The following PHLPP1 variants were observed in gnomAD, a reference collection of about 807,000 sequenced individuals.
PHLPP1 encodes the protein PH domain leucine-rich repeat-containing protein phosphatase 1.
A neutral mutation model predicts 117.2 loss-of-function variants in PHLPP1; 42 were observed. The observed-to-expected ratio is 0.36, with a 90% CI of 0.28 to 0.46. PHLPP1 has a LOEUF of 0.46. PHLPP1 is among the 20% of genes least tolerant of loss of function. The pLI is 1.00. For synonymous variants in PHLPP1, 1,042 were observed against 970.7 expected (o/e 1.07, Z -1.37); for missense variants, 2,084 against 2,241.9 (o/e 0.93, Z 1.42).
chr18:62,887,868 G>T (rs1323299868), intron 4 of PHLPP1, among the ~76,000 whole-genome samples: 1 of 152,050 alleles, frequency 6.6e-6, no homozygotes, highest in African/African-American at 2.4e-5. Flanking sequence ...CTCCCAAGTA[G>T]CTGGGACCAC....
intron 10 of PHLPP1, among the ~76,000 whole-genome samples, chr18:62,932,511 C>A (rs1194461871): frequency 1.3e-5 from 2 of 152,058 alleles, no homozygotes; most frequent in African/African-American, 4.8e-5. Context: ...GAATTAAAAA[C>A]AAAATCTGTA....
At chr18:62,916,604 G>T (rs993525151) in intron 9 of PHLPP1, among the ~76,000 whole-genome samples, 10 of 146,968 alleles carry the variant, frequency 6.8e-5, no homozygotes, top group Non-Finnish European at 1.4e-4. Flanking sequence ...ACAAGAGGGT[G>T]GGTGTGTGTG....
chr18:62,734,924 A>G (rs935759605), intron 1 of PHLPP1, among the ~76,000 whole-genome samples: 2 of 152,228 alleles, frequency 1.3e-5, no homozygotes, highest in South Asian at 2.1e-4. Flanking sequence ...CAGAAGCTCA[A>G]TGATCCCTTG....
At chr18:62,948,540 G>C (rs1910363376) in intron 12 of PHLPP1, among the ~76,000 whole-genome samples, 1 of 151,830 alleles carries the variant, frequency 6.6e-6, no homozygotes, top group Admixed American at 6.6e-5. Context: ...TTTTTAAATG[G>C]TTTCCATTTT....
chr18:62,820,339 A>G (rs1043500056), intron 1 of PHLPP1, among the ~76,000 whole-genome samples: 6 of 152,244 alleles, frequency 3.9e-5, no homozygotes, highest in Non-Finnish European at 8.8e-5. Flanking sequence ...CTCTTAGCCA[A>G]CTGGACCTCA....
At chr18:62,738,527 A>G (rs1911433426) in intron 1 of PHLPP1, among the ~76,000 whole-genome samples, 1 of 152,228 alleles carries the variant, frequency 6.6e-6, no homozygotes, top group Admixed American at 6.5e-5. Flanking sequence ...ATATACAAAT[A>G]TTTATATAAG....
intron 1 of PHLPP1, among the ~76,000 whole-genome samples, chr18:62,762,438 A>C (rs944803304): frequency 2.1e-5 from 3 of 143,366 alleles, no homozygotes; most frequent in Non-Finnish European, 4.5e-5. Flanking sequence ...TTTTTTGAGA[A>C]GGTCTCACAG....
intron 1 of PHLPP1, among the ~76,000 whole-genome samples, chr18:62,720,318 T>G (rs1405511044): frequency 1.3e-5 from 2 of 152,186 alleles, no homozygotes; most frequent in Non-Finnish European, 2.9e-5. Flanking sequence ...TTTTTGACTC[T>G]TTTCTCCCAG....
At chr18:62,733,067 T>C (rs543240921) in intron 1 of PHLPP1, among the ~76,000 whole-genome samples, 3 of 152,352 alleles carry the variant, frequency 2.0e-5, no homozygotes, top group Non-Finnish European at 2.9e-5. Flanking sequence ...ATAAACTTAG[T>C]TGATAAAGGA....
chr18:62,742,391 G>A (rs1911554482), intron 1 of PHLPP1, among the ~76,000 whole-genome samples: 1 of 152,082 alleles, frequency 6.6e-6, no homozygotes, highest in African/African-American at 2.4e-5. Context: ...GAATGCAAAG[G>A]GGTGTGGTCT....
chr18:62,727,430 GA>G (rs1911106422), intron 1 of PHLPP1, among the ~76,000 whole-genome samples: 1 of 151,828 alleles, frequency 6.6e-6, no homozygotes, highest in South Asian at 2.1e-4. Flanking sequence ...GCAACATAGT[GA>G]GACCCATTCT....
intron 9 of PHLPP1, among the ~76,000 whole-genome samples, chr18:62,918,438 A>ATATATATATATATG (rs976902381): frequency 3.3e-5 from 5 of 149,938 alleles, no homozygotes; most frequent in Non-Finnish European, 7.4e-5. Context: ...AAATATATAT[A>ATATATATATATATG]TATATATATG....
At chr18:62,822,530 C>T (rs1211330854) in intron 1 of PHLPP1, among the ~76,000 whole-genome samples, 5 of 151,910 alleles carry the variant, frequency 3.3e-5, no homozygotes, top group African/African-American at 4.8e-5. Context: ...ATGATCCGCC[C>T]GCCTCGGACT....
At chr18:62,904,278 T>C (rs1916793332) in intron 7 of PHLPP1, among the ~76,000 whole-genome samples, 1 of 152,192 alleles carries the variant, frequency 6.6e-6, no homozygotes, top group South Asian at 2.1e-4. Context: ...ATAGAAGTAA[T>C]TAGGGGATGC....
At chr18:62,931,366 T>C (rs1400481299) in intron 10 of PHLPP1, among the ~76,000 whole-genome samples, 1 of 152,072 alleles carries the variant, frequency 6.6e-6, no homozygotes, top group Non-Finnish European at 1.5e-5. Flanking sequence ...TTTATACCAC[T>C]AAGTGCCTAC....
intron 1 of PHLPP1, among the ~76,000 whole-genome samples, chr18:62,743,335 C>T (rs1281337671): frequency 6.7e-6 from 1 of 149,262 alleles, no homozygotes; most frequent in Non-Finnish European, 1.5e-5. Context: ...AAAATTTAAA[C>T]ACAATTACAA....
At chr18:62,735,898 T>C (rs1303937184) in intron 1 of PHLPP1, among the ~76,000 whole-genome samples, 11 of 151,990 alleles carry the variant, frequency 7.2e-5, no homozygotes, top group Non-Finnish European at 1.6e-4. Context: ...TGTATACATA[T>C]GTAACTAACC....
intron 1 of PHLPP1, among the ~76,000 whole-genome samples, chr18:62,723,674 G>A (rs1206073333): frequency 6.6e-6 from 1 of 152,134 alleles, no homozygotes; most frequent in Non-Finnish European, 1.5e-5. Context: ...TGGTGTGTTG[G>A]GGGTGGGGGT....
At chr18:62,921,437 A>G (rs1909466120) in intron 10 of PHLPP1, among the ~76,000 whole-genome samples, 1 of 152,228 alleles carries the variant, frequency 6.6e-6, no homozygotes, top group African/African-American at 2.4e-5. Context: ...AAGCCGAATT[A>G]GATTTCCCAC....
Sources: gnomAD v4.1 joint callset for allele counts (sites outside exome capture counted in the v4.1 genomes callset) on GRCh38, gnomAD v4.1.1 for gene constraint, MANE v1.5 for transcripts, NCBI Gene and HGNC (gene_info 2026-07-23, HGNC 2026-07-21) for gene names.